The following CNTNAP2 variants were observed in gnomAD, a reference collection of about 807,000 sequenced individuals.
CNTNAP2 encodes contactin-associated protein-like 2.
A neutral mutation model predicts 155.2 loss-of-function variants in CNTNAP2; 98 were observed. The ratio of observed to expected loss-of-function variants is 0.63; its 90% CI spans 0.54 to 0.75. CNTNAP2 has a LOEUF of 0.75. Among genes scored for constraint, CNTNAP2 ranks in the 30% least tolerant of loss-of-function variants. CNTNAP2 has a pLI of 0.00. For missense variants in CNTNAP2, 1,727 were observed against 1,688.1 expected, an observed-to-expected ratio of 1.02 and a Z score of -0.40; for synonymous variants, 651 against 631.2, an observed-to-expected ratio of 1.03 and a Z score of -0.47.
At chr7:146,538,394 T>A (rs942848381) in intron 1 of CNTNAP2, among the ~76,000 whole-genome samples, 3 of 152,116 alleles carry the variant, frequency 2.0e-5, no homozygotes, top group African/African-American at 7.2e-5. Flanking sequence ...CTTGTGCTCA[T>A]GTTTACCATG....
intron 1 of CNTNAP2, among the ~76,000 whole-genome samples, chr7:146,472,809 A>G (rs1796819391): frequency 6.6e-6 from 1 of 151,982 alleles, no homozygotes; most frequent in African/African-American, 2.4e-5. Flanking sequence ...TGAGCAGATC[A>G]TACTTGGACG....
At chr7:147,799,585 C>T (rs1289969376) in intron 13 of CNTNAP2, among the ~76,000 whole-genome samples, 1 of 151,898 alleles carries the variant, frequency 6.6e-6, no homozygotes, top group Non-Finnish European at 1.5e-5. Flanking sequence ...TTCAGTAGTT[C>T]CAAAAAGACT....
intron 3 of CNTNAP2, among the ~76,000 whole-genome samples, chr7:146,932,024 A>G (rs1047813575): frequency 6.6e-6 from 1 of 150,652 alleles, no homozygotes; most frequent in Non-Finnish European, 1.5e-5. Flanking sequence ...AGGAACTGGT[A>G]CCATTCCTTC....
chr7:147,678,340 T>G (rs1283968550), intron 13 of CNTNAP2, among the ~76,000 whole-genome samples: 1 of 151,958 alleles, frequency 6.6e-6, no homozygotes, highest in East Asian at 1.9e-4. Flanking sequence ...TCCCCAAATA[T>G]GAATGGTGCT....
At chr7:147,717,916 A>G (rs1050729240) in intron 13 of CNTNAP2, among the ~76,000 whole-genome samples, 4 of 151,604 alleles carry the variant, frequency 2.6e-5, no homozygotes, top group Non-Finnish European at 5.9e-5. Flanking sequence ...AAGGTAGCGC[A>G]AATAGCCTAA....
At position 146,832,837 on chromosome 7, in the gene CNTNAP2, G is replaced by A. The variant is rs138552391; in HGVS notation, c.209-6874G>A. Among the ~76,000 whole-genome samples the A allele has an allele frequency of 3.4e-3, 518 of 151,576 alleles. 4 individuals are homozygous for A. The highest frequency in any genetic ancestry group is 0.012 in the African/African-American group (490 of 41,326). ...CAGCCTCCCTACTAGCTGGGATTAC[G>A]GGCACCCGCCACCACGCCTGGCAAA... On this transcript the variant is annotated intron_variant, in intron 2 of 23. Transcript: ENST00000361727.
intron 3 of CNTNAP2, among the ~76,000 whole-genome samples, chr7:147,026,445 T>C (rs1336147143): frequency 6.6e-6 from 1 of 152,190 alleles, no homozygotes; most frequent in Admixed American, 6.5e-5. Context: ...GCTTTTTCCA[T>C]CGATTTAATT....
At chr7:146,835,763 T>G (rs1406392391) in intron 2 of CNTNAP2, among the ~76,000 whole-genome samples, 1 of 152,156 alleles carries the variant, frequency 6.6e-6, no homozygotes, top group African/African-American at 2.4e-5. Context: ...TAGGAGTGTT[T>G]TGGGGATGAA....
At chr7:146,289,623 A>G (rs1172315036) in intron 1 of CNTNAP2, among the ~76,000 whole-genome samples, 1 of 152,226 alleles carries the variant, frequency 6.6e-6, no homozygotes, top group Non-Finnish European at 1.5e-5. Context: ...GGTACTCATT[A>G]TTAAATATGA....
intron 1 of CNTNAP2, among the ~76,000 whole-genome samples, chr7:146,155,216 A>G (rs900063595): frequency 6.6e-6 from 1 of 152,212 alleles, no homozygotes; most frequent in South Asian, 2.1e-4. Flanking sequence ...TCAATAGGTT[A>G]CACTTCCTTC....
chr7:147,599,590 G>A (rs1028594824), intron 12 of CNTNAP2, among the ~76,000 whole-genome samples: 1 of 151,932 alleles, frequency 6.6e-6, no homozygotes, highest in Non-Finnish European at 1.5e-5. Flanking sequence ...GATGTCCACA[G>A]GGCCATGCTC....
chr7:147,296,682 G>A (rs1337228425), intron 8 of CNTNAP2, among the ~76,000 whole-genome samples: 5 of 152,088 alleles, frequency 3.3e-5, no homozygotes, highest in Non-Finnish European at 5.9e-5. Context: ...CCAAAAAGTA[G>A]ACCCTGATAT....
At chr7:147,134,823 C>A (rs575920957) in intron 8 of CNTNAP2, among the ~76,000 whole-genome samples, 8 of 151,926 alleles carry the variant, frequency 5.3e-5, no homozygotes, top group Middle Eastern at 3.4e-3. Flanking sequence ...CTACTCTTAT[C>A]AGCATGAGCA....
intron 1 of CNTNAP2, among the ~76,000 whole-genome samples, chr7:146,698,267 G>A (rs1430998436): frequency 2.0e-5 from 3 of 151,800 alleles, no homozygotes; most frequent in Non-Finnish European, 2.9e-5. Context: ...CTTTCTTTAT[G>A]TAGATCCAAT....
intron 17 of CNTNAP2, among the ~76,000 whole-genome samples, chr7:148,171,542 T>G (rs1391819466): frequency 2.0e-5 from 3 of 152,268 alleles, no homozygotes; most frequent in Non-Finnish European, 2.9e-5. Context: ...CTCATGAACC[T>G]CAGTCCAACT....
intron 1 of CNTNAP2, among the ~76,000 whole-genome samples, chr7:146,147,764 A>C (rs1366828261): frequency 3.3e-5 from 5 of 152,172 alleles, no homozygotes; most frequent in Non-Finnish European, 7.4e-5. Flanking sequence ...ATGAATATAC[A>C]GTGAACATTA....
At chr7:147,138,583 C>A (rs1801535209) in intron 8 of CNTNAP2, among the ~76,000 whole-genome samples, 1 of 151,912 alleles carries the variant, frequency 6.6e-6, no homozygotes, top group Admixed American at 6.6e-5. Context: ...TTTAATTATA[C>A]TGCAGTGAAT....
intron 1 of CNTNAP2, among the ~76,000 whole-genome samples, chr7:146,248,176 G>T (rs1457064946): frequency 2.0e-5 from 3 of 152,026 alleles, no homozygotes; most frequent in South Asian, 2.1e-4. Flanking sequence ...GTCCGGGTGC[G>T]GAAATAAGGG....
intron 3 of CNTNAP2, among the ~76,000 whole-genome samples, chr7:147,041,775 C>T (rs971250224): frequency 2.6e-5 from 4 of 152,164 alleles, no homozygotes; most frequent in Non-Finnish European, 5.9e-5. Flanking sequence ...GACATAAAAC[C>T]TAGCAACATG....
Sources: gnomAD v4.1 joint callset for allele counts (sites outside exome capture counted in the v4.1 genomes callset) on GRCh38, gnomAD v4.1.1 for gene constraint, MANE v1.5 for transcripts, NCBI Gene and HGNC (gene_info 2026-07-23, HGNC 2026-07-21) for gene names.